Variants in ROR1 observed in about 807,000 individuals in gnomAD.
The protein encoded by ROR1 is ROR family WNT receptor 1.
In ROR1, 19 loss-of-function variants were observed where a neutral mutation model predicts 78.8. The ratio of observed to expected loss-of-function variants is 0.24; its 90% CI spans 0.17 to 0.35. ROR1 has a LOEUF of 0.35. Ranked by LOEUF, ROR1 falls within the 10% of genes least tolerant of loss-of-function variation. The pLI is 1.00. For synonymous variants in ROR1, 386 were observed against 433.6 expected (o/e 0.89, Z 1.36); for missense variants, 917 against 1,177.8 (o/e 0.78, Z 3.24).
At chr1:64,028,744 A>G (rs1646636336) in intron 2 of ROR1, 1 of 152,170 alleles carries the variant, frequency 6.6e-6, no homozygotes, top group Admixed American at 6.6e-5. Context: ...CATACCATGG[A>G]AAATTGGTTA....
chr1:63,865,105 T>C (rs572383441), intron 1 of ROR1, among the ~76,000 whole-genome samples: 1 of 152,312 alleles, frequency 6.6e-6, no homozygotes, highest in Admixed American at 6.5e-5. Context: ...TATACATTTT[T>C]CCCCAGGCAA....
At position 64,178,370 on chromosome 1, in the gene ROR1, C is replaced by A; in HGVS notation, c.2329C>A (p.Pro777Thr). The stretch of plus-strand genomic sequence containing the variant: ...ACAGACAACCTCCCTCAGTGCCAGC[C>A]CAGTGAGTAATCTCAGTAACCCCAG... ...TTQTTSLSAS[P>T]VSNLSNPRYP... is the part of the protein sequence containing the mutation. Residue 777 changes from proline (P) to threonine (T), a missense_variant, in exon 9 of 9, where the codon CCA becomes ACA. Around this residue, in one of 3 missense-constraint regions of ROR1, gnomAD observed 835 missense variants for 1,069.8 expected, o/e 0.78. Coordinates refer to ENST00000371079, the MANE Select transcript of ROR1 (RefSeq NM_005012.4). The surrounding 1 kb of genome is among the most constrained non-coding windows in gnomAD (Gnocchi z 4.3). 6.2e-7 allele frequency: 1 copy of A among 1,614,182 alleles called. No homozygotes were observed. Among genetic ancestry groups the A allele is most frequent in the Non-Finnish European group, 8.5e-7 (1 of 1,180,024 alleles).
At chr1:63,810,668 G>A (rs1452799478) in intron 1 of ROR1, among the ~76,000 whole-genome samples, 1 of 152,180 alleles carries the variant, frequency 6.6e-6, no homozygotes, top group Non-Finnish European at 1.5e-5. Flanking sequence ...GAAGAAGGGA[G>A]GAAAGGGCAG....
At chr1:64,118,038 A>G (rs1019969029) in intron 4 of ROR1, among the ~76,000 whole-genome samples, 1 of 151,912 alleles carries the variant, frequency 6.6e-6, no homozygotes, top group Non-Finnish European at 1.5e-5. Flanking sequence ...TTTTCTCTAC[A>G]GAAAAAACAC....
chr1:64,177,497 A>G lies in ROR1; in HGVS notation c.1456A>G (p.Lys486Glu), dbSNP rs1203427077. The G allele has an allele frequency of 4.3e-6, 7 of 1,614,176 alleles. No individual in the cohort carries two copies. Among genetic ancestry groups the G allele is most frequent in the Non-Finnish European group, 5.9e-6 (7 of 1,180,022 alleles). The change falls in exon 9 of 9, where the codon AAA (lysine) becomes GAA (glutamate). Residue 486 changes from lysine (K) to glutamate (E), a missense_variant. By Grantham distance (56) the Lys-to-Glu change is moderately conservative. Coordinates refer to ENST00000371079, the MANE Select transcript of ROR1 (RefSeq NM_005012.4). ...AGAATTGGGTGAGTGTGCCTTTGGA[A>G]AAATCTATAAAGGCCATCTCTATCT... ...MEELGECAFG[K>E]IYKGHLYLPG...
chr1:63,859,804 T>C (rs541603987), intron 1 of ROR1, among the ~76,000 whole-genome samples: 1 of 152,220 alleles, frequency 6.6e-6, no homozygotes, highest in Non-Finnish European at 1.5e-5. Context: ...CCAGCTGTGT[T>C]GTGGACTAGC....
intron 2 of ROR1, among the ~76,000 whole-genome samples, chr1:64,044,417 A>G (rs534181349): frequency 5.9e-5 from 9 of 152,284 alleles, no homozygotes; most frequent in East Asian, 1.9e-4. Context: ...AATTCAGACA[A>G]TGGCACCAAC....
intron 4 of ROR1, among the ~76,000 whole-genome samples, chr1:64,090,903 C>G (rs1190057942): frequency 6.6e-6 from 1 of 152,176 alleles, no homozygotes; most frequent in Non-Finnish European, 1.5e-5. Context: ...ACTTCCCACA[C>G]TCAGCATGGG....
At chr1:64,057,280 G>A (rs1425518367) in intron 4 of ROR1, among the ~76,000 whole-genome samples, 1 of 152,072 alleles carries the variant, frequency 6.6e-6, no homozygotes, top group Non-Finnish European at 1.5e-5. Flanking sequence ...CCATTGAATT[G>A]TCTTGGCACT....
chr1:64,170,331 A>G (rs1650201003), intron 8 of ROR1, among the ~76,000 whole-genome samples: 3 of 152,196 alleles, frequency 2.0e-5, no homozygotes, highest in Admixed American at 1.3e-4. Flanking sequence ...ACCACATGGA[A>G]GCTGCCAAGC....
chr1:63,864,678 T>C (rs1645203687), intron 1 of ROR1, among the ~76,000 whole-genome samples: 1 of 152,112 alleles, frequency 6.6e-6, no homozygotes, highest in Non-Finnish European at 1.5e-5. Context: ...AGTGAGTGGC[T>C]ATAGGATCTT....
At chr1:64,064,487 T>C (rs1347897310) in intron 4 of ROR1, among the ~76,000 whole-genome samples, 5 of 152,240 alleles carry the variant, frequency 3.3e-5, no homozygotes. Context: ...AGAGGTCATC[T>C]GCCTTGCAGA....
chr1:63,917,776 G>A (rs1261598017), intron 1 of ROR1, among the ~76,000 whole-genome samples: 1 of 152,122 alleles, frequency 6.6e-6, no homozygotes, highest in Non-Finnish European at 1.5e-5. Context: ...GGAAAGTATT[G>A]GACAGTTAAG....
At chr1:63,856,060 C>T (rs1338054920) in intron 1 of ROR1, among the ~76,000 whole-genome samples, 1 of 151,814 alleles carries the variant, frequency 6.6e-6, no homozygotes, top group Non-Finnish European at 1.5e-5. Context: ...ATTCTAACAT[C>T]TGTGTCAGTT....
intron 1 of ROR1, among the ~76,000 whole-genome samples, chr1:63,818,493 A>G (rs1030602048): frequency 6.6e-6 from 1 of 152,164 alleles, no homozygotes. Context: ...TCTAAGATCT[A>G]TTTATATTTG....
At chr1:63,837,909 A>G (rs1645028059) in intron 1 of ROR1, among the ~76,000 whole-genome samples, 1 of 152,190 alleles carries the variant, frequency 6.6e-6, no homozygotes, top group Admixed American at 6.5e-5. Context: ...GGCACTGCAT[A>G]ATCATCTTTC....
chr1:63,826,388 C>A (rs1644953602), intron 1 of ROR1, among the ~76,000 whole-genome samples: 1 of 152,144 alleles, frequency 6.6e-6, no homozygotes. Context: ...ATAATGGCCT[C>A]CAGCTCCATC....
intron 1 of ROR1, among the ~76,000 whole-genome samples, chr1:63,781,515 T>A (rs552601330): frequency 2.5e-4 from 38 of 152,310 alleles, no homozygotes; most frequent in African/African-American, 9.1e-4. Context: ...AATGAGCAGA[T>A]GTGGTACCAC....
intron 4 of ROR1, among the ~76,000 whole-genome samples, chr1:64,116,656 A>G (rs996511845): frequency 6.6e-6 from 1 of 152,120 alleles, no homozygotes. Context: ...AGAGCTGGGT[A>G]TATTGAAAGG....
Sources: allele counts gnomAD v4.1 joint callset (sites outside exome capture counted in the v4.1 genomes callset), GRCh38; gene constraint gnomAD v4.1.1; regional missense constraint gnomAD v4.1.1; non-coding constraint Gnocchi (gnomAD v3.1); transcripts MANE v1.5; gene names NCBI Gene and HGNC (gene_info 2026-07-23, HGNC 2026-07-21).